The following NSUN4 variants were observed in gnomAD, a reference collection of about 807,000 sequenced individuals.
The protein encoded by NSUN4 is NOP2/Sun RNA methyltransferase 4, also known as 5-cytosine rRNA methyltransferase NSUN4.
NSUN4 carries 31 observed loss-of-function variants against 43.8 expected under a neutral mutation model. That is an observed-to-expected ratio of 0.71 (90% CI 0.53 to 0.96). The LOEUF (loss-of-function observed/expected upper bound fraction) is 0.96. NSUN4 is among the 40% of genes least tolerant of loss of function. The probability of loss-of-function intolerance (pLI) is 0.00; values close to 1 mark genes in which losing one functional copy is unlikely to be tolerated. For missense variants in NSUN4, 439 were observed against 475.6 expected (o/e 0.92, Z 0.72); for synonymous variants, 167 against 184.1 (o/e 0.91, Z 0.75).
intron 3 of NSUN4, among the ~76,000 whole-genome samples, chr1:46,351,551 C>T (rs183455652): frequency 6.7e-6 from 1 of 149,604 alleles, no homozygotes; most frequent in East Asian, 2.0e-4. Context: ...CTTGGCTGGG[C>T]ATGGTGGCCC....
At chr1:46,354,205 C>T (rs991201447) in intron 4 of NSUN4, among the ~76,000 whole-genome samples, 8 of 151,894 alleles carry the variant, frequency 5.3e-5, no homozygotes, top group African/African-American at 1.9e-4. Flanking sequence ...CTCCTGGGCT[C>T]AAGGGGTCCT....
At chr1:46,341,851 G>T (rs548232596) in intron 1 of NSUN4, 1 of 1,232,806 alleles carries the variant, frequency 8.1e-7, no homozygotes, top group Non-Finnish European at 1.0e-6. Flanking sequence ...AGAATGCGGC[G>T]TCCCTGTCTT....
chr1:46,352,798 C>A, intron 3 of NSUN4, 70 bp from the exon 4 acceptor site: 2 of 1,479,844 alleles, frequency 1.4e-6, no homozygotes, highest in Non-Finnish European at 1.9e-6. Flanking sequence ...ATTGGTCTGA[C>A]TCCATCAGCG....
At chr1:46,356,700 AAAGAAG>A (rs1553177623) in intron 4 of NSUN4, among the ~76,000 whole-genome samples, 4 of 148,758 alleles carry the variant, frequency 2.7e-5, no homozygotes, top group Admixed American at 6.7e-5. Context: ...CAAAAAAAAA[AAAGAAG>A]AAGAAGAAGA....
chr1:46,366,436 G>T (rs1557747984), downstream of NSUN4, among the ~76,000 whole-genome samples: 3 of 152,062 alleles, frequency 2.0e-5, no homozygotes, highest in Non-Finnish European at 4.4e-5. Context: ...ATTAAAAGCA[G>T]CTAAGTTAAT....
In NSUN4 at chr1:46,344,949, C is replaced by G; in HGVS notation, c.242C>G (p.Ala81Gly). Residue 81 changes from alanine to glycine, a missense_variant, in exon 2 of 6, where the codon GCT (alanine) becomes GGT (glycine). Physicochemically the swap from Ala to Gly is moderately conservative, Grantham distance 60. Transcript: ENST00000474844. ...QKYGALVNNF[A>G]AWDHVSAKLE... Reference sequence around the variant, plus strand: ...TATGGTGCACTGGTCAATAACTTTGCTGCCTGGGATCATGTAAGTGCTAAG... The same window carrying G: ...TATGGTGCACTGGTCAATAACTTTGGTGCCTGGGATCATGTAAGTGCTAAG... 1 of 1,614,222 alleles carries G rather than the reference C, an allele frequency of 6.2e-7. No homozygotes were observed. The highest frequency in any genetic ancestry group is 8.5e-7 in the Non-Finnish European group (1 of 1,180,036).
At chr1:46,371,675 C>G in the NSUN4 span, among the ~76,000 whole-genome samples, 5 of 152,086 alleles carry the variant, frequency 3.3e-5, no homozygotes, top group African/African-American at 1.2e-4. Context: ...CTCCTGACTT[C>G]GTGATCCCCC....
chr1:46,341,202 C>T, intron 1 of NSUN4: 2 of 1,178,760 alleles, frequency 1.7e-6, no homozygotes, highest in Non-Finnish European at 2.1e-6. Flanking sequence ...CTCTTGTTCC[C>T]CAGCTGTGTC....
At chr1:46,366,611 T>G (rs1036560774), downstream of NSUN4, among the ~76,000 whole-genome samples, 6 of 147,404 alleles carry the variant, frequency 4.1e-5, no homozygotes, top group African/African-American at 1.5e-4. Context: ...GTAATCCCAG[T>G]ACTTTGGGAG....
chr1:46,346,830 C>G, intron 2 of NSUN4, 91 bp from the exon 3 acceptor site: 1 of 1,036,756 alleles, frequency 9.6e-7, no homozygotes, highest in Non-Finnish European at 1.4e-6. Context: ...GATTGGAGCT[C>G]AAGCCCCAGA....
rs1663090662 is a variant in NSUN4, at chr1:46,352,718, C to T, written c.593-150C>T. On this transcript the variant is annotated intron_variant, in intron 3 of 5. Coordinates refer to ENST00000474844, the MANE Select transcript of NSUN4 (RefSeq NM_199044.4). ...GCCATTGTACCCCCACTCAGAATGA[C>T]TGATGCTGTGCCATGCACATAATAA... 3 of 724,060 alleles carry T rather than the reference C, an allele frequency of 4.1e-6. No individual in the cohort carries two copies. In the East Asian group the frequency reaches 7.5e-5, roughly 18 times the overall value. The allele number at this position is 724,060 out of a possible 1,614,324, so 44.9% of individuals were successfully genotyped here. A position where few individuals can be genotyped will look rare whatever the true frequency, so the allele number is the denominator to read the frequency against.
At chr1:46,369,233 CT>C (rs1442467166), downstream of NSUN4, among the ~76,000 whole-genome samples, 3 of 152,194 alleles carry the variant, frequency 2.0e-5, no homozygotes. Context: ...GCCACTTTTT[CT>C]TCTTTACCCA....
chr1:46,379,389 G>A, the NSUN4 span, among the ~76,000 whole-genome samples: 2 of 152,098 alleles, frequency 1.3e-5, no homozygotes. Context: ...GGCAGAGGTG[G>A]GCAGATCACA....
chr1:46,347,159 C>A, intron 3 of NSUN4, 84 bp downstream of exon 3: 1 of 1,408,310 alleles, frequency 7.1e-7, no homozygotes. Context: ...TAGGTTCGGC[C>A]AGGCGCAGTG....
chr1:46,371,932 G>T, the NSUN4 span, among the ~76,000 whole-genome samples: 8 of 152,018 alleles, frequency 5.3e-5, no homozygotes, highest in Non-Finnish European at 1.2e-4. Context: ...TGAGGGATCC[G>T]CCCCTATGAT....
chr1:46,360,927 C>T, intron 5 of NSUN4, 99 bp downstream of exon 5: 1 of 1,343,914 alleles, frequency 7.4e-7, no homozygotes, highest in Non-Finnish European at 1.0e-6. Flanking sequence ...ACACAAGAAT[C>T]TTATGGCTGG....
At chr1:46,379,932 C>T in the NSUN4 span, among the ~76,000 whole-genome samples, 1 of 152,166 alleles carries the variant, frequency 6.6e-6, no homozygotes, top group African/African-American at 2.4e-5. Context: ...AAAGCTCCAC[C>T]TTCTAATACC....
intron 1 of NSUN4, chr1:46,341,288 C>A: frequency 9.9e-7 from 1 of 1,014,710 alleles, no homozygotes. Flanking sequence ...CATTCTTCCC[C>A]CACATGACTT....
In NSUN4 at chr1:46,362,000, T is replaced by C; in HGVS notation, c.*154T>C. 1.4e-6 allele frequency: 1 copy of C among 694,212 alleles called. No homozygotes were observed. The highest frequency in any genetic ancestry group is 2.7e-5 in the East Asian group (1 of 36,816). 43.0% of individuals were successfully genotyped at this position (694,212 alleles called of 1,614,324 possible). A position where few individuals can be genotyped will look rare whatever the true frequency, so the allele number is the denominator to read the frequency against. ...GTTTTCGGCAATAAGAAGTAGAAGA[T>C]TTGCTGTCCTGCTGTCCAATTGTGG... is the stretch of plus-strand genomic sequence containing the variant. On this transcript the variant is annotated 3_prime_UTR_variant, in exon 6 of 6. Coordinates refer to ENST00000474844, the MANE Select transcript of NSUN4 (RefSeq NM_199044.4).
Sources: gnomAD v4.1 joint callset for allele counts (sites outside exome capture counted in the v4.1 genomes callset) on GRCh38, gnomAD v4.1.1 for gene constraint, MANE v1.5 for transcripts, NCBI Gene and HGNC (gene_info 2026-07-23, HGNC 2026-07-21) for gene names.